The following CACNA1A variants were observed in gnomAD, a reference collection of about 807,000 sequenced individuals.
The protein encoded by CACNA1A is voltage-dependent P/Q-type calcium channel subunit alpha-1A.
In CACNA1A, 57 loss-of-function variants were observed where a neutral mutation model predicts 262.4. The ratio of observed to expected loss-of-function variants is 0.22; its 90% CI spans 0.18 to 0.27. The LOEUF (loss-of-function observed/expected upper bound fraction) is 0.27, where lower values mean the gene tolerates loss of function less well. CACNA1A is among the 10% of genes least tolerant of loss of function. The pLI is 1.00. For missense variants in CACNA1A, 2,526 were observed against 3,562.8 expected (o/e 0.71, Z 7.41); for synonymous variants, 1,431 against 1,419.3 (o/e 1.01, Z -0.18).
intron 3 of CACNA1A, among the ~76,000 whole-genome samples, chr19:13,375,135 T>C (rs1432579004): frequency 6.6e-6 from 1 of 152,186 alleles, no homozygotes; most frequent in East Asian, 1.9e-4. Context: ...ACTCTGGTAA[T>C]TCTTACGGTA....
chr19:13,336,717 C>G (rs1013645557), intron 6 of CACNA1A, among the ~76,000 whole-genome samples: 2 of 151,716 alleles, frequency 1.3e-5, no homozygotes, highest in African/African-American at 4.8e-5. Flanking sequence ...TGTATGTTAG[C>G]TCACTTAGTC....
chr19:13,479,254 A>G (rs1978954517), intron 1 of CACNA1A, among the ~76,000 whole-genome samples: 1 of 152,228 alleles, frequency 6.6e-6, no homozygotes, highest in African/African-American at 2.4e-5. Context: ...GATAGCAGAC[A>G]GATGAGTAAG....
In CACNA1A at chr19:13,215,322, TTTTG is replaced by T. The variant is rs1329055711; in HGVS notation, c.5732-718_5732-715del. ...CACCGCGCCTGGCTGGTTGTTTTTT[TTTTG>T]TTTTTTTTTTGAGATGGAGTTTCAC... On this transcript the variant is annotated intron_variant, in intron 38 of 46. Transcript: ENST00000360228. 2.1e-4 allele frequency: 13 copies of T among 62,238 alleles called. No homozygotes were observed. The South Asian group carries it at 4.5e-3, about 22-fold the overall frequency. The allele number at this position is 62,238 out of a possible 1,614,324, so 3.9% of individuals were successfully genotyped here.
chr19:13,306,061 A>AC (rs1174406607), intron 15 of CACNA1A, among the ~76,000 whole-genome samples: 2 of 77,912 alleles, frequency 2.6e-5, no homozygotes, highest in Non-Finnish European at 4.7e-5. Context: ...CTCCATCTCA[A>AC]AAAAAAAAAA....
At chr19:13,427,920 G>C (rs976175713) in intron 3 of CACNA1A, among the ~76,000 whole-genome samples, 1 of 151,940 alleles carries the variant, frequency 6.6e-6, no homozygotes, top group Admixed American at 6.6e-5. Flanking sequence ...TTTCCTCATA[G>C]GTAAAATGTG....
At chr19:13,476,005 A>G (rs1978487996) in intron 1 of CACNA1A, among the ~76,000 whole-genome samples, 1 of 152,198 alleles carries the variant, frequency 6.6e-6, no homozygotes, top group African/African-American at 2.4e-5. Context: ...GGACACAACC[A>G]TGAAAGAAAC....
chr19:13,262,914 T>C (rs2056771163), intron 24 of CACNA1A, 81 bp from the exon 25 acceptor site: 1 of 901,528 alleles, frequency 1.1e-6, no homozygotes, highest in Admixed American at 2.0e-5. Context: ...CACAGCTCCA[T>C]GGGACCCTAC....
At chr19:13,228,626 G>T in intron 36 of CACNA1A, 4 of 355,648 alleles carry the variant, frequency 1.1e-5, no homozygotes, top group African/African-American at 2.3e-5. Context: ...ATATATATAT[G>T]AAATATATAT....
At chr19:13,392,137 G>C (rs533370649) in intron 3 of CACNA1A, among the ~76,000 whole-genome samples, 1 of 152,196 alleles carries the variant, frequency 6.6e-6, no homozygotes, top group South Asian at 2.1e-4. Context: ...CTTGAGCTCA[G>C]GAGGTTGAGG....
At chr19:13,228,089 A>G (rs2055532514) in intron 36 of CACNA1A, among the ~76,000 whole-genome samples, 1 of 151,492 alleles carries the variant, frequency 6.6e-6, no homozygotes, top group Non-Finnish European at 1.5e-5. Context: ...AATTTTTTAT[A>G]GAGAAGGGGG....
chr19:13,283,593 TGAGAGAA>T (rs1451901599), intron 21 of CACNA1A, 197 bp from the exon 22 acceptor site: 1 of 585,992 alleles, frequency 1.7e-6, no homozygotes, highest in Non-Finnish European at 3.0e-6. Flanking sequence ...GGGACCTCGG[TGAGAGAA>T]GACATTCACA....
At chr19:13,232,833 G>C (rs2055719574) in intron 34 of CACNA1A, among the ~76,000 whole-genome samples, 1 of 151,190 alleles carries the variant, frequency 6.6e-6, no homozygotes. Flanking sequence ...TGGATCACCT[G>C]AGGTCAGGAG....
chr19:13,354,248 C>T (rs1166132178), intron 6 of CACNA1A, among the ~76,000 whole-genome samples: 1 of 152,208 alleles, frequency 6.6e-6, no homozygotes, highest in Non-Finnish European at 1.5e-5. Flanking sequence ...TGTCTGGACT[C>T]TCCGTTGATC....
chr19:13,327,520 A>G (rs1211885408), intron 10 of CACNA1A, among the ~76,000 whole-genome samples: 5 of 139,274 alleles, frequency 3.6e-5, no homozygotes, highest in Admixed American at 2.1e-4. Context: ...TCCATCTCAG[A>G]AAAAAAAAAA....
chr19:13,290,966 G>A (rs1239904258), intron 19 of CACNA1A, among the ~76,000 whole-genome samples: 1 of 152,156 alleles, frequency 6.6e-6, no homozygotes, highest in Non-Finnish European at 1.5e-5. Flanking sequence ...CTTCCTTGTA[G>A]AGCGTCTGTT....
intron 36 of CACNA1A, 116 bp downstream of exon 36, chr19:13,229,966 C>T: frequency 8.5e-7 from 1 of 1,176,146 alleles, no homozygotes; most frequent in Non-Finnish European, 1.2e-6. Flanking sequence ...ACCTGTGAGA[C>T]CCCTGCTAGG....
chr19:13,334,268 C>T (rs1452472148), intron 8 of CACNA1A, 110 bp downstream of exon 8: 3 of 665,492 alleles, frequency 4.5e-6, no homozygotes, highest in Non-Finnish European at 8.2e-6. Context: ...GGTTCTCTTT[C>T]TCCTCCCATC....
intron 38 of CACNA1A, among the ~76,000 whole-genome samples, chr19:13,223,817 C>T (rs2055330397): frequency 6.6e-6 from 1 of 152,142 alleles, no homozygotes; most frequent in African/African-American, 2.4e-5. Context: ...GTGTAAGCTG[C>T]TGGGTCCTCC....
intron 3 of CACNA1A, among the ~76,000 whole-genome samples, chr19:13,388,989 G>C (rs2059666777): frequency 6.6e-6 from 1 of 152,086 alleles, no homozygotes; most frequent in African/African-American, 2.4e-5. Flanking sequence ...TGCAACCTCT[G>C]CCTCCTGGGT....
Sources: allele counts gnomAD v4.1 joint callset (sites outside exome capture counted in the v4.1 genomes callset), GRCh38; gene constraint gnomAD v4.1.1; transcripts MANE v1.5; gene names NCBI Gene and HGNC (gene_info 2026-07-23, HGNC 2026-07-21).